The following TXLNG variants were observed in gnomAD, a reference collection of about 807,000 sequenced individuals.
TXLNG encodes the protein gamma-taxilin.
TXLNG carries 5 observed loss-of-function variants against 38.8 expected under a neutral mutation model. The ratio of observed to expected loss-of-function variants is 0.13; its 90% confidence interval spans 0.07 to 0.27. The LOEUF is 0.27. Ranked by LOEUF, TXLNG falls within the 10% of genes least tolerant of loss-of-function variation. The pLI, the probability that TXLNG is intolerant of heterozygous loss-of-function variation, is 1.00. For synonymous variants in TXLNG, 182 were observed against 158.2 expected (o/e 1.15, Z -1.13); for missense variants, 393 against 398.2 (o/e 0.99, Z 0.11).
intron 7 of TXLNG, among the ~76,000 whole-genome samples, chrX:16,836,103 C>G (rs1929583426): frequency 8.9e-6 from 1 of 111,962 alleles, no homozygotes; most frequent in Non-Finnish European, 1.9e-5. Flanking sequence ...ATAAAAGATA[C>G]AAAAATTAGC....
chrX:16,837,676 A>T lies in TXLNG; in HGVS notation c.1143A>T (p.Glu381Asp). 3 of 1,192,898 alleles carry T rather than the reference A, an allele frequency of 2.5e-6. No homozygotes were observed. Among genetic ancestry groups the T allele is most frequent in the Non-Finnish European group, 2.3e-6 (2 of 882,550 alleles). The change falls in exon 8 of 10, where the codon GAA (glutamate) becomes GAT (aspartate). Residue 381 changes from glutamate to aspartate, a missense_variant. Physicochemically the swap from Glu to Asp is conservative, Grantham distance 45 (BLOSUM62 2). Coordinates refer to ENST00000380122, the MANE Select transcript of TXLNG (RefSeq NM_018360.3). ...SNELFTTFRQEMEKMTKKIKK... is the reference protein window; with the variant it reads ...SNELFTTFRQDMEKMTKKIKK... ...AACTGTTTACAACCTTCAGACAGGA[A>T]ATGGAAAAGGTATTTACATATTTTT...
intron 1 of TXLNG, among the ~76,000 whole-genome samples, chrX:16,801,355 T>C (rs1257620907): frequency 9.0e-6 from 1 of 111,461 alleles, no homozygotes; most frequent in African/African-American, 3.3e-5. Context: ...CTGGCTAATT[T>C]TTGTATTTTT....
chrX:16,826,722 C>T (rs1291416940), intron 3 of TXLNG, among the ~76,000 whole-genome samples: 2 of 111,070 alleles, frequency 1.8e-5, no homozygotes, highest in African/African-American at 6.6e-5. Context: ...CACCTGAGGT[C>T]GGGAGTTCGA....
chrX:16,827,387 A>G (rs956635539), intron 3 of TXLNG, among the ~76,000 whole-genome samples: 9 of 111,400 alleles, frequency 8.1e-5, no homozygotes, highest in Admixed American at 4.8e-4. Context: ...CTGGCCTTCA[A>G]CATTGGAGTA....
chrX:16,835,841 C>T (rs1002539239), intron 7 of TXLNG, among the ~76,000 whole-genome samples: 1 of 112,676 alleles, frequency 8.9e-6, no homozygotes, highest in Admixed American at 9.4e-5. Flanking sequence ...TTTGTGCTGT[C>T]TTCACCCGCT....
chrX:16,811,903 C>T (rs946219590), intron 1 of TXLNG, among the ~76,000 whole-genome samples: 5 of 110,653 alleles, frequency 4.5e-5, no homozygotes, highest in Non-Finnish European at 3.8e-5. Flanking sequence ...GCCTCCCAAA[C>T]TGCTGGAATT....
intron 3 of TXLNG, among the ~76,000 whole-genome samples, chrX:16,822,716 C>T (rs1257815526): frequency 6.2e-5 from 7 of 112,172 alleles, no homozygotes; most frequent in Non-Finnish European, 1.3e-4. Context: ...CTACCCAACC[C>T]AGTGATGTGA....
chrX:16,805,390 A>G lies in TXLNG; in HGVS notation c.103-13184A>G, dbSNP rs59383986. On this transcript the variant is annotated intron_variant, in intron 1 of 9. Coordinates refer to ENST00000380122, the MANE Select transcript of TXLNG (RefSeq NM_018360.3). Reference sequence around the variant, plus strand: ...GCCCTGCTCTGTCTATGGAGCAGTCATTCTGCTGTATATAATTTCATAAAA... The same window carrying G: ...GCCCTGCTCTGTCTATGGAGCAGTCGTTCTGCTGTATATAATTTCATAAAA... Among the ~76,000 whole-genome samples the G allele has an allele frequency of 8.9e-3, 982 of 110,870 alleles. 8 individuals carry two copies. Among genetic ancestry groups the G allele is most frequent in the African/African-American group, 0.03 (929 of 30,527 alleles).
intron 7 of TXLNG, among the ~76,000 whole-genome samples, chrX:16,836,320 C>T (rs1482090468): frequency 8.9e-6 from 1 of 112,243 alleles, no homozygotes. Flanking sequence ...TGCTCCCTCC[C>T]TCTGCGTGAG....
At chrX:16,840,553 C>T (rs921304684) in intron 9 of TXLNG, 57 of 514,730 alleles carry the variant, frequency 1.1e-4, no homozygotes, top group Non-Finnish European at 1.3e-4. Flanking sequence ...GCAGGCGGAT[C>T]ATGAGGTCAA....
Position 16,805,313 on chromosome X carries a change from CT to C in TXLNG, c.103-13256del, listed in dbSNP as rs1463789435. Among the ~76,000 whole-genome samples, 3 of 110,752 alleles carry C rather than the reference CT, an allele frequency of 2.7e-5. No homozygotes were observed. The Admixed American group carries it at 2.9e-4, about 11-fold the overall frequency. On this transcript the variant is annotated intron_variant, in intron 1 of 9. Coordinates refer to ENST00000380122, the MANE Select transcript of TXLNG (RefSeq NM_018360.3). ...CCCCTTTTTAAAAATAGCTTCTGGG[CT>C]TTTTGCTTTCCTTTGAAAGGCCTTC...
chrX:16,813,049 T>C (rs1928592740), intron 1 of TXLNG, among the ~76,000 whole-genome samples: 1 of 111,072 alleles, frequency 9.0e-6, no homozygotes, highest in South Asian at 3.7e-4. Context: ...CTGAAAAATA[T>C]ATCTGGTAAG....
intron 9 of TXLNG, among the ~76,000 whole-genome samples, chrX:16,840,145 C>G: frequency 8.9e-6 from 1 of 112,396 alleles, no homozygotes; most frequent in Non-Finnish European, 1.9e-5. Flanking sequence ...TTCCTACCAC[C>G]CAGTTAATCA....
intron 1 of TXLNG, among the ~76,000 whole-genome samples, chrX:16,789,477 C>G (rs55968873): frequency 0.48 from 51,143 of 107,399 alleles, 9,705 homozygotes; most frequent in Middle Eastern, 0.6. Context: ...TTATACTAAC[C>G]AAGTTTCAGG....
At chrX:16,833,425 A>G (rs1929482759) in intron 6 of TXLNG, among the ~76,000 whole-genome samples, 1 of 111,932 alleles carries the variant, frequency 8.9e-6, no homozygotes, top group African/African-American at 3.3e-5. Flanking sequence ...AGACTGTTGC[A>G]TCCACAGCCC....
intron 7 of TXLNG, among the ~76,000 whole-genome samples, chrX:16,835,088 A>AAAAGG (rs1929545117): frequency 9.1e-6 from 1 of 109,474 alleles, no homozygotes; most frequent in Admixed American, 9.7e-5. Flanking sequence ...TAAAAAAAAA[A>AAAAGG]AAAGGTACAG....
intron 1 of TXLNG, among the ~76,000 whole-genome samples, chrX:16,795,246 C>T (rs1434753905): frequency 9.1e-6 from 1 of 110,412 alleles, no homozygotes; most frequent in African/African-American, 3.3e-5. Flanking sequence ...CACTGCACTC[C>T]AGCCTGGGCG....
At chrX:16,832,180 C>G (rs1929435746) in intron 5 of TXLNG, among the ~76,000 whole-genome samples, 1 of 112,068 alleles carries the variant, frequency 8.9e-6, no homozygotes, top group African/African-American at 3.2e-5. Flanking sequence ...GCCATTCCTA[C>G]CATCATACCA....
At chrX:16,807,335 G>A (rs1272263438) in intron 1 of TXLNG, among the ~76,000 whole-genome samples, 1 of 111,711 alleles carries the variant, frequency 9.0e-6, no homozygotes, top group Admixed American at 9.6e-5. Flanking sequence ...TTGTAACTGC[G>A]TCAGAGATCT....
Sources: allele counts gnomAD v4.1 joint callset (sites outside exome capture counted in the v4.1 genomes callset), GRCh38; gene constraint gnomAD v4.1.1; transcripts MANE v1.5; gene names NCBI Gene and HGNC (gene_info 2026-07-23, HGNC 2026-07-21).